Variants in PPP1R21 observed in about 807,000 individuals in gnomAD.
PPP1R21 encodes protein phosphatase 1 regulatory subunit 21.
PPP1R21 carries 85 observed loss-of-function variants against 112.8 expected under a neutral mutation model. That is an observed-to-expected ratio of 0.75 (90% CI 0.63 to 0.90). The LOEUF is 0.90. Ranked by LOEUF, PPP1R21 falls within the 40% of genes least tolerant of loss-of-function variation. The pLI, the probability that PPP1R21 is intolerant of heterozygous loss-of-function variation, is 0.00. For synonymous variants in PPP1R21, 381 were observed against 322.3 expected (o/e 1.18, Z -1.95); for missense variants, 1,199 against 901.5 (o/e 1.33, Z -4.23).
rs368556904 is a variant in PPP1R21 at position 48,464,998 on chromosome 2, T to C, written c.747+9T>C. Reference sequence around the variant, plus strand: ...ACAATAGGAGACACCAGGTAAAGGATGAAGTACATGTTTTTATTTTCAGTT... The same window carrying C: ...ACAATAGGAGACACCAGGTAAAGGACGAAGTACATGTTTTTATTTTCAGTT... On this transcript the variant is annotated intron_variant, in intron 8 of 21. Transcript: ENST00000294952. The C allele has an allele frequency of 2.3e-5, 36 of 1,555,744 alleles. No individual in the cohort carries two copies. In the African/African-American group the frequency reaches 4.8e-4, roughly 21 times the overall value.
chr2:48,509,170 C>T (rs1311390504), intron 19 of PPP1R21, among the ~76,000 whole-genome samples: 4 of 152,120 alleles, frequency 2.6e-5, no homozygotes, highest in Admixed American at 2.0e-4. Flanking sequence ...CTAAAGAAAG[C>T]AGCCTGGAAT....
chr2:48,460,178 AGGGTTCTGAAGCAAGACTCAGAAGACAT>A (rs757099908), intron 6 of PPP1R21, 25 bp downstream of exon 6: 8 of 1,612,108 alleles, frequency 5.0e-6, no homozygotes, highest in Non-Finnish European at 6.8e-6. Context: ...GAATTCCAAG[AGGGTTCTGAAGCAAGACTCAGAAGACAT>A]GGGTTTTGGT....
chr2:48,451,129 TCAAAGCAG>T, intron 2 of PPP1R21, 53 bp downstream of exon 2: 1 of 1,443,614 alleles, frequency 6.9e-7, no homozygotes, highest in South Asian at 1.1e-5. Flanking sequence ...TTGGTGTTGC[TCAAAGCAG>T]GTTCATTGGG....
chr2:48,473,422 T>C (rs751160748), intron 11 of PPP1R21, among the ~76,000 whole-genome samples: 2 of 152,238 alleles, frequency 1.3e-5, no homozygotes, highest in Admixed American at 1.3e-4. Flanking sequence ...GAAAGAGTTA[T>C]GAATTTTATC....
At chr2:48,502,972 G>T (rs1350963334) in intron 17 of PPP1R21, among the ~76,000 whole-genome samples, 2 of 151,960 alleles carry the variant, frequency 1.3e-5, no homozygotes, top group Non-Finnish European at 2.9e-5. Flanking sequence ...GAGCTGCCGC[G>T]CCCAGCCTAG....
chr2:48,490,991 T>C, intron 14 of PPP1R21, 27 bp from the exon 15 acceptor site: 1 of 1,606,042 alleles, frequency 6.2e-7, no homozygotes, highest in Middle Eastern at 1.7e-4. Flanking sequence ...GAAAACAAAA[T>C]CTATTTCCTT....
intron 1 of PPP1R21, among the ~76,000 whole-genome samples, chr2:48,450,612 T>C (rs900763352): frequency 3.9e-5 from 6 of 152,250 alleles, no homozygotes; most frequent in Non-Finnish European, 7.3e-5. Flanking sequence ...CAGTTGTATG[T>C]ATTTTACAAA....
intron 9 of PPP1R21, among the ~76,000 whole-genome samples, chr2:48,469,165 C>T (rs867252936): frequency 6.6e-6 from 1 of 150,764 alleles, no homozygotes; most frequent in Non-Finnish European, 1.5e-5. Context: ...ATTACCTCCC[C>T]CTGGACACCT....
At chr2:48,462,505 T>A (rs962277196) in intron 7 of PPP1R21, among the ~76,000 whole-genome samples, 2 of 152,190 alleles carry the variant, frequency 1.3e-5, no homozygotes, top group African/African-American at 4.8e-5. Context: ...GAGCAGGTTT[T>A]ATTGGGCAGA....
chr2:48,490,053 G>C (rs1193207391), intron 14 of PPP1R21, among the ~76,000 whole-genome samples: 1 of 150,984 alleles, frequency 6.6e-6, no homozygotes, highest in Admixed American at 6.6e-5. Context: ...TCAAACAAAC[G>C]AACAAAAATA....
At chr2:48,450,320 T>A (rs1446463761) in intron 1 of PPP1R21, among the ~76,000 whole-genome samples, 2 of 152,200 alleles carry the variant, frequency 1.3e-5, no homozygotes, top group African/African-American at 4.8e-5. Flanking sequence ...TGGAGGTAAT[T>A]AGAGTACCCA....
intron 15 of PPP1R21, 69 bp from the exon 16 acceptor site, chr2:48,495,610 T>C (rs1669800238): frequency 1.2e-6 from 1 of 811,452 alleles, no homozygotes; most frequent in Non-Finnish European, 2.2e-6. Context: ...GCATTCTTTG[T>C]GTATGTTGGA....
Position 48,487,354 on chromosome 2 carries a change from T to C in PPP1R21, c.1446+596T>C, listed in dbSNP as rs1267194317. 2.0e-5 allele frequency among the ~76,000 whole-genome samples: 3 copies of C among 152,364 alleles called. No individual in the cohort carries two copies. The South Asian group carries it at 6.2e-4, about 32-fold the overall frequency. ...TGGTTTTGTATCTAAACAAGTACTT[T>C]GAAGTGACTTCAACATGTGTCTTTT... On this transcript the variant is annotated intron_variant, in intron 14 of 21. Coordinates refer to ENST00000294952, the MANE Select transcript of PPP1R21 (RefSeq NM_001135629.3).
chr2:48,469,166 CT>C (rs989732326), intron 9 of PPP1R21, among the ~76,000 whole-genome samples: 9 of 150,880 alleles, frequency 6.0e-5, no homozygotes, highest in Non-Finnish European at 1.2e-4. Context: ...TTACCTCCCC[CT>C]GGACACCTCC....
intron 12 of PPP1R21, among the ~76,000 whole-genome samples, chr2:48,475,207 T>C (rs1368343822): frequency 6.6e-6 from 1 of 151,556 alleles, no homozygotes; most frequent in Non-Finnish European, 1.5e-5. Context: ...TTAAAAATTA[T>C]CCAGATGTGG....
chr2:48,459,019 G>T (rs1256513217), intron 4 of PPP1R21, among the ~76,000 whole-genome samples: 1 of 150,356 alleles, frequency 6.7e-6, no homozygotes, highest in African/African-American at 2.5e-5. Flanking sequence ...GTGAACCCGG[G>T]AGGCGGAGCT....
chr2:48,505,549 C>T lies in PPP1R21; in HGVS notation c.1936-15C>T, dbSNP rs1337742443. ...ACACATTCTGTTCTAAAAGATTTTTCCCCTTATGTTCTAGATTGGGACTTT... is the reference window on the plus strand; with the variant it reads ...ACACATTCTGTTCTAAAAGATTTTTTCCCTTATGTTCTAGATTGGGACTTT... On this transcript the variant is annotated splice_polypyrimidine_tract_variant and intron_variant, in intron 17 of 21. Coordinates refer to ENST00000294952, the MANE Select transcript of PPP1R21 (RefSeq NM_001135629.3). 8 of 1,541,388 alleles carry T rather than the reference C, an allele frequency of 5.2e-6. No individual in the cohort carries two copies. In the Admixed American group the frequency reaches 9.8e-5, roughly 19 times the overall value.
At chr2:48,479,092 G>GC (rs1668887776) in intron 12 of PPP1R21, among the ~76,000 whole-genome samples, 2 of 152,128 alleles carry the variant, frequency 1.3e-5, no homozygotes, top group African/African-American at 4.8e-5. Flanking sequence ...GGTGATCAGG[G>GC]CCCCACTTTT....
chr2:48,476,662 T>C (rs961375434), intron 12 of PPP1R21, among the ~76,000 whole-genome samples: 2 of 152,238 alleles, frequency 1.3e-5, no homozygotes, highest in Non-Finnish European at 2.9e-5. Flanking sequence ...AACTGGTATC[T>C]CATTGTAGTT....
Sources: allele counts gnomAD v4.1 joint callset (sites outside exome capture counted in the v4.1 genomes callset), GRCh38; gene constraint gnomAD v4.1.1; transcripts MANE v1.5; gene names NCBI Gene and HGNC (gene_info 2026-07-23, HGNC 2026-07-21).